HDAC9: variants seen among roughly 807,000 people sequenced by gnomAD.
The protein encoded by HDAC9 is MEF-2 interacting transcription repressor (MITR) protein.
A neutral mutation model predicts 139.4 loss-of-function variants in HDAC9; 41 were observed. The observed-to-expected ratio is 0.29, with a 90% CI of 0.23 to 0.38. The LOEUF is 0.38. Among genes scored for constraint, HDAC9 ranks in the 10% least tolerant of loss-of-function variants. HDAC9 has a pLI of 1.00. For missense variants in HDAC9, 1,147 were observed against 1,297.0 expected, an observed-to-expected ratio of 0.88 and a Z score of 1.78; for synonymous variants, 517 against 476.2, an observed-to-expected ratio of 1.09 and a Z score of -1.12.
At chr7:18,101,105 A>G (rs1782829534) in intron 1 of HDAC9, among the ~76,000 whole-genome samples, 1 of 152,046 alleles carries the variant, frequency 6.6e-6, no homozygotes, top group African/African-American at 2.4e-5. Flanking sequence ...CTGTGTCCTG[A>G]TCATTACACT....
chr7:18,474,895 A>G (rs1669422130), intron 1 of HDAC9, among the ~76,000 whole-genome samples: 1 of 152,180 alleles, frequency 6.6e-6, no homozygotes, highest in Non-Finnish European at 1.5e-5. Flanking sequence ...GGAAAGAAGG[A>G]ATGGTCAAAA....
chr7:18,678,400 C>T (rs954183814), intron 12 of HDAC9, among the ~76,000 whole-genome samples: 23 of 151,742 alleles, frequency 1.5e-4, no homozygotes, highest in African/African-American at 5.3e-4. Flanking sequence ...AGTGTTATTT[C>T]ATCTGATATT....
At chr7:18,978,056 T>C (rs1784663869) in intron 25 of HDAC9, among the ~76,000 whole-genome samples, 1 of 152,056 alleles carries the variant, frequency 6.6e-6, no homozygotes, top group South Asian at 2.1e-4. Flanking sequence ...ACAGGAAAGA[T>C]GGCTTTCAAA....
intron 1 of HDAC9, chr7:18,151,932 C>G (rs1786810692): frequency 6.6e-6 from 1 of 152,196 alleles, no homozygotes; most frequent in Non-Finnish European, 1.5e-5. Flanking sequence ...AGCGTAGTAG[C>G]TATGACTTGG....
intron 2 of HDAC9, among the ~76,000 whole-genome samples, chr7:18,183,844 C>T (rs1789696925): frequency 6.6e-6 from 1 of 152,114 alleles, no homozygotes; most frequent in South Asian, 2.1e-4. Context: ...GTAAAGTATC[C>T]TGGGCTGTTG....
chr7:18,988,334 CAGGAGCAGGTT>C (rs1429224370), intron 25 of HDAC9, among the ~76,000 whole-genome samples: 23 of 152,038 alleles, frequency 1.5e-4, no homozygotes, highest in Non-Finnish European at 2.6e-4. Flanking sequence ...AGTAGTCATT[CAGGAGCAGGTT>C]GTTCAGTTTC....
chr7:18,809,265 T>G (rs1334336476), intron 17 of HDAC9, among the ~76,000 whole-genome samples: 1 of 151,914 alleles, frequency 6.6e-6, no homozygotes, highest in East Asian at 1.9e-4. Flanking sequence ...AAACCCTCCT[T>G]AACAGGGTCT....
chr7:18,257,369 A>ACT (rs146860772), intron 2 of HDAC9, among the ~76,000 whole-genome samples: 26,382 of 110,010 alleles, frequency 0.24, 3,061 homozygotes, highest in South Asian at 0.41. Context: ...TGTCTCTCTG[A>ACT]CTCTCTCTCT....
intron 25 of HDAC9, among the ~76,000 whole-genome samples, chr7:18,991,428 C>CAGA (rs1554422995): frequency 5.3e-5 from 8 of 152,078 alleles, no homozygotes; most frequent in South Asian, 2.1e-4. Flanking sequence ...ATCACGAGGT[C>CAGA]AGATCAAGAC....
intron 17 of HDAC9, among the ~76,000 whole-genome samples, chr7:18,797,846 C>G (rs973430364): frequency 2.0e-5 from 3 of 151,592 alleles, no homozygotes; most frequent in Non-Finnish European, 4.4e-5. Context: ...AAAAAAAATT[C>G]CTTTCGTCTT....
chr7:18,908,724 A>C (rs1802490991), intron 22 of HDAC9, among the ~76,000 whole-genome samples: 2 of 152,046 alleles, frequency 1.3e-5, no homozygotes, highest in Admixed American at 1.3e-4. Context: ...GACAAAAAAA[A>C]ATTTCATTCT....
chr7:18,921,363 A>G (rs1315973725), intron 22 of HDAC9, among the ~76,000 whole-genome samples: 3 of 152,182 alleles, frequency 2.0e-5, no homozygotes, highest in Non-Finnish European at 4.4e-5. Flanking sequence ...CAGAATCTAC[A>G]CTGAACTCAA....
At chr7:18,375,561 C>G (rs148371762) in intron 1 of HDAC9, among the ~76,000 whole-genome samples, 2,053 of 152,216 alleles carry the variant, frequency 0.013, 23 homozygotes, top group Non-Finnish European at 0.017. Context: ...CTTTCCTTTT[C>G]TCCTTAGCTA....
intron 6 of HDAC9, among the ~76,000 whole-genome samples, chr7:18,599,234 G>A (rs1833292468): frequency 6.6e-6 from 1 of 152,076 alleles, no homozygotes; most frequent in Non-Finnish European, 1.5e-5. Flanking sequence ...TAACCCCTAG[G>A]TTTCTGCTTT....
intron 22 of HDAC9, among the ~76,000 whole-genome samples, chr7:18,915,334 C>G (rs779264330): frequency 2.0e-5 from 3 of 151,940 alleles, no homozygotes; most frequent in Non-Finnish European, 2.9e-5. Context: ...ATTGCTATGG[C>G]TTTTATCAAA....
intron 1 of HDAC9, among the ~76,000 whole-genome samples, chr7:18,330,961 C>T (rs1406894779): frequency 1.3e-5 from 2 of 151,632 alleles, no homozygotes; most frequent in Non-Finnish European, 3.0e-5. Flanking sequence ...AATTTTAGAT[C>T]AAGGAGGATT....
intron 22 of HDAC9, among the ~76,000 whole-genome samples, chr7:18,902,430 C>A (rs1196905805): frequency 1.3e-5 from 2 of 152,060 alleles, no homozygotes; most frequent in Non-Finnish European, 2.9e-5. Context: ...AAAAATGAGG[C>A]TTTGGCAGGA....
At chr7:18,432,553 C>T (rs1333373609) in intron 1 of HDAC9, among the ~76,000 whole-genome samples, 4 of 152,200 alleles carry the variant, frequency 2.6e-5, no homozygotes, top group African/African-American at 9.6e-5. Flanking sequence ...AAAGCATTCT[C>T]ATGCACTGAT....
chr7:18,106,088 T>G (rs1027950273), intron 1 of HDAC9, among the ~76,000 whole-genome samples: 6 of 152,296 alleles, frequency 3.9e-5, no homozygotes, highest in African/African-American at 1.4e-4. Flanking sequence ...TGCTAAAGGA[T>G]ATAGGGTTTC....
Sources: gnomAD v4.1 joint callset for allele counts (sites outside exome capture counted in the v4.1 genomes callset) on GRCh38, gnomAD v4.1.1 for gene constraint, MANE v1.5 for transcripts, NCBI Gene and HGNC (gene_info 2026-07-23, HGNC 2026-07-21) for gene names.